Variants in PRMT2 observed in about 807,000 individuals in gnomAD.
The protein encoded by PRMT2 is protein arginine N-methyltransferase 2.
A neutral mutation model predicts 57.6 loss-of-function variants in PRMT2; 26 were observed. The observed-to-expected ratio is 0.45, with a 90% CI of 0.33 to 0.63. The LOEUF (loss-of-function observed/expected upper bound fraction) is 0.63. Ranked by LOEUF, PRMT2 falls within the 20% of genes least tolerant of loss-of-function variation. The pLI is 0.02. For missense variants in PRMT2, 472 were observed against 564.4 expected, an observed-to-expected ratio of 0.84 and a Z score of 1.66; for synonymous variants, 219 against 220.0, an observed-to-expected ratio of 1.00 and a Z score of 0.04.
chr21:46,652,014 A>C, intron 7 of PRMT2: 1 of 1,613,050 alleles, frequency 6.2e-7, no homozygotes, highest in Non-Finnish European at 8.5e-7. Context: ...TGACGCTGAC[A>C]TGTAGTAAAA....
At chr21:46,644,806 A>G (rs2061335927) in intron 5 of PRMT2, among the ~76,000 whole-genome samples, 1 of 152,230 alleles carries the variant, frequency 6.6e-6, no homozygotes, top group African/African-American at 2.4e-5. Flanking sequence ...TTTGGAGGCC[A>G]TCCAAAAACA....
chr21:46,659,617 G>C (rs2061590308), intron 8 of PRMT2: 1 of 984,616 alleles, frequency 1.0e-6, no homozygotes, highest in East Asian at 1.1e-4. Context: ...TTCCCTACCA[G>C]ACAAGCAAAG....
chr21:46,661,265 G>T, intron 9 of PRMT2: 14 of 203,524 alleles, frequency 6.9e-5, no homozygotes, highest in East Asian at 2.4e-4. Flanking sequence ...ATTATATTTC[G>T]TTTCATTATG....
intron 7 of PRMT2, chr21:46,652,915 A>T: frequency 7.7e-7 from 1 of 1,302,380 alleles, no homozygotes; most frequent in African/African-American, 1.5e-5. Flanking sequence ...CACACTCAGC[A>T]GTCTCCCACT....
intron 10 of PRMT2, among the ~76,000 whole-genome samples, chr21:46,662,697 G>GC (rs796120770): frequency 1.2e-4 from 18 of 152,272 alleles, no homozygotes; most frequent in African/African-American, 4.1e-4. Context: ...GACCTGAGGA[G>GC]CCCCCCACTT....
intron 7 of PRMT2, chr21:46,652,616 C>A (rs936151772): frequency 2.0e-5 from 20 of 985,072 alleles, no homozygotes; most frequent in Non-Finnish European, 2.4e-5. Flanking sequence ...GGGAAGTGTG[C>A]ACCGCCATGC....
At chr21:46,637,030 A>G in intron 3 of PRMT2, 40 bp downstream of exon 3, 1 of 1,604,392 alleles carries the variant, frequency 6.2e-7, no homozygotes, top group South Asian at 1.1e-5. Flanking sequence ...GTGTTTAATG[A>G]ATGTGAGCAT....
Position 46,640,600 on chromosome 21 carries a change from C to A in PRMT2, c.40-2935C>A, listed in dbSNP as rs530374442. On this transcript the variant is annotated intron_variant, in intron 3 of 11. Transcript: ENST00000355680. ...GGGACTACAGGTGACCACCACCACG[C>A]CCGGCTAATTTTTTGTATTTTTAGT... Among the ~76,000 whole-genome samples the A allele has an allele frequency of 1.6e-3, 236 of 152,046 alleles. 7 individuals are homozygous for A. The South Asian group carries it at 0.047, about 30-fold the overall frequency.
At chr21:46,641,749 A>G (rs1015328227) in intron 3 of PRMT2, among the ~76,000 whole-genome samples, 6 of 143,782 alleles carry the variant, frequency 4.2e-5, no homozygotes, top group Non-Finnish European at 7.6e-5. Context: ...GTGTGTGTGT[A>G]TACGTGTACA....
chr21:46,652,235 A>G, intron 7 of PRMT2: 1 of 1,373,268 alleles, frequency 7.3e-7, no homozygotes, highest in Non-Finnish European at 9.4e-7. Context: ...AATTGCTACA[A>G]GTTTATTTGT....
At chr21:46,656,651 C>A (rs375658969) in intron 7 of PRMT2, among the ~76,000 whole-genome samples, 7 of 152,046 alleles carry the variant, frequency 4.6e-5, no homozygotes, top group African/African-American at 1.7e-4. Flanking sequence ...AACACCTCAA[C>A]CTCACATCTC....
rs1375445610 is a variant in PRMT2, at chr21:46,648,819, G to A, written c.489+200G>A. On this transcript the variant is annotated intron_variant, in intron 6 of 11. Transcript: ENST00000355680. The surrounding 1 kb of genome is among the most constrained non-coding windows in gnomAD (Gnocchi z 4.8). ...GAGACCGCGTGCTAGAGGCCGTGGCGCCCGCGTACAATGAGTCGCAGACAG... is the reference window on the plus strand; with the variant it reads ...GAGACCGCGTGCTAGAGGCCGTGGCACCCGCGTACAATGAGTCGCAGACAG... Among the ~76,000 whole-genome samples the A allele has an allele frequency of 2.6e-5, 4 of 152,210 alleles. No homozygotes were observed. The highest frequency in any genetic ancestry group is 1.9e-4 in the East Asian group (1 of 5,198).
chr21:46,644,529 G>A, intron 5 of PRMT2, 41 bp downstream of exon 5: 1 of 1,542,746 alleles, frequency 6.5e-7, no homozygotes, highest in South Asian at 1.2e-5. Flanking sequence ...GCCAGGCGGT[G>A]GGTTCTCTCT....
At chr21:46,647,268 T>G (rs994569925) in intron 5 of PRMT2, among the ~76,000 whole-genome samples, 3 of 152,182 alleles carry the variant, frequency 2.0e-5, no homozygotes, top group Non-Finnish European at 4.4e-5. Flanking sequence ...ATTTGCCCCT[T>G]TTGATTTTTG....
chr21:46,652,818 T>G (rs1366205825), intron 7 of PRMT2: 2 of 1,269,078 alleles, frequency 1.6e-6, no homozygotes, highest in South Asian at 2.6e-5. Flanking sequence ...CAGGTGACAA[T>G]TGAGCCCTAA....
At position 46,641,584 on chromosome 21, in the gene PRMT2, C is replaced by T. The variant is rs577020408; in HGVS notation, c.40-1951C>T. Among the ~76,000 whole-genome samples the T allele has an allele frequency of 1.2e-3, 175 of 151,978 alleles. 1 individual carries two copies. The highest frequency in any genetic ancestry group is 3.4e-3 in the Middle Eastern group (1 of 294). ...ACACACGCCTGTAGTCCCAGCCTCT[C>T]GGGAGGCTGAGGCATGCGAATTGCT... On this transcript the variant is annotated intron_variant, in intron 3 of 11. Coordinates refer to ENST00000355680, the MANE Select transcript of PRMT2 (RefSeq NM_206962.4).
rs768442613 is a variant in PRMT2, at chr21:46,658,784, G to C, written c.694G>C (p.Ala232Pro). The C allele has an allele frequency of 6.2e-7, 1 of 1,614,116 alleles. No individual in the cohort carries two copies. The highest frequency in any genetic ancestry group is 8.5e-7 in the Non-Finnish European group (1 of 1,180,058). Residue 232 changes from alanine to proline, a missense_variant, in exon 8 of 12, where the codon GCC becomes CCC. Ala to Pro is a conservative substitution (Grantham distance 27). Around this residue, in one of 2 missense-constraint regions of PRMT2, gnomAD observed 243 missense variants for 347.2 expected, o/e 0.70. Transcript: ENST00000355680. ...CGAGTCCATCCTGTATGCCCGGGAT[G>C]CCTGGCTGAAGGAGGACGGGGTCAT... ...MIESILYARDAWLKEDGVIWP... is the reference protein window; with the variant it reads ...MIESILYARDPWLKEDGVIWP...
At chr21:46,638,089 T>G (rs956682993) in intron 3 of PRMT2, among the ~76,000 whole-genome samples, 1 of 152,228 alleles carries the variant, frequency 6.6e-6, no homozygotes, top group African/African-American at 2.4e-5. Flanking sequence ...CACTGCACCA[T>G]TTTTATACCT....
chr21:46,637,608 C>T (rs942391057), intron 3 of PRMT2, among the ~76,000 whole-genome samples: 9 of 151,944 alleles, frequency 5.9e-5, no homozygotes, highest in South Asian at 2.1e-4. Flanking sequence ...CAGAATCTTT[C>T]GTTAATTTCT....
Sources: gnomAD v4.1 joint callset for allele counts (sites outside exome capture counted in the v4.1 genomes callset) on GRCh38, gnomAD v4.1.1 for gene constraint, gnomAD v4.1.1 regional missense constraint, Gnocchi (gnomAD v3.1) non-coding constraint, MANE v1.5 for transcripts, NCBI Gene and HGNC (gene_info 2026-07-23, HGNC 2026-07-21) for gene names.